The following ZFAND6 variants were observed in gnomAD, a reference collection of about 807,000 sequenced individuals.
The protein encoded by ZFAND6 is zinc finger AN1-type containing 6.
ZFAND6 carries 12 observed loss-of-function variants against 24.5 expected under a neutral mutation model. The observed-to-expected ratio is 0.49, with a 90% confidence interval of 0.31 to 0.79. The LOEUF (loss-of-function observed/expected upper bound fraction) is 0.79. ZFAND6 is among the 30% of genes least tolerant of loss of function. The probability of loss-of-function intolerance (pLI) is 0.04; values close to 1 mark genes in which losing one functional copy is unlikely to be tolerated. For missense variants in ZFAND6, 207 were observed against 245.9 expected, an observed-to-expected ratio of 0.84 and a Z score of 1.06; for synonymous variants, 92 against 81.5, an observed-to-expected ratio of 1.13 and a Z score of -0.69.
intron 2 of ZFAND6, 110 bp from the exon 3 acceptor site, chr15:80,120,218 A>G (rs1404036051): frequency 6.2e-5 from 54 of 865,216 alleles, no homozygotes; most frequent in Non-Finnish European, 1.6e-6. Context: ...GTTATGTAGA[A>G]TAGTTTGATA....
intron 1 of ZFAND6, among the ~76,000 whole-genome samples, chr15:80,093,448 C>T (rs1390175891): frequency 2.0e-5 from 3 of 151,864 alleles, no homozygotes; most frequent in Admixed American, 1.3e-4. Context: ...TGATTCCTGG[C>T]TGGGCGCGGT....
In ZFAND6 at chr15:80,137,799, GCAATTT is replaced by G; in HGVS notation, c.*173_*178del. ...ATGACTCTGAACATTTATTTCCATT[GCAATTT>G]CTGTGGCTGAGGAGACTTAAACTTT... On this transcript the variant is annotated 3_prime_UTR_variant, in exon 7 of 7. Transcript: ENST00000261749. 1 of 618,424 alleles carries G rather than the reference GCAATTT, an allele frequency of 1.6e-6. No individual in the cohort carries two copies. The highest frequency in any genetic ancestry group is 2.5e-6 in the Non-Finnish European group (1 of 401,310). 38.3% of individuals were successfully genotyped at this position (618,424 alleles called of 1,614,324 possible). A position where few individuals can be genotyped will look rare whatever the true frequency, so the allele number is the denominator to read the frequency against.
rs144805077 is a variant in ZFAND6 at position 80,081,048 on chromosome 15, G to A, written c.-180-17368G>A. ...TACACAAACTTTATCAGTTGATAAG[G>A]GTGGACTACTGTAAGGTTATCTTTT... On this transcript the variant is annotated intron_variant, in intron 1 of 6. Coordinates refer to ENST00000261749, the MANE Select transcript of ZFAND6 (RefSeq NM_019006.4). 4.7e-3 allele frequency among the ~76,000 whole-genome samples: 720 copies of A among 152,274 alleles called. 6 individuals are homozygous for A. The highest frequency in any genetic ancestry group is 0.016 in the African/African-American group (667 of 41,554).
At chr15:80,110,087 C>T (rs1486706129) in intron 2 of ZFAND6, among the ~76,000 whole-genome samples, 1 of 152,160 alleles carries the variant, frequency 6.6e-6, no homozygotes, top group Non-Finnish European at 1.5e-5. Flanking sequence ...CTCAGCTTCT[C>T]CAGAGTGAGT....
chr15:80,119,317 A>G (rs1340495347), intron 2 of ZFAND6, among the ~76,000 whole-genome samples: 1 of 152,166 alleles, frequency 6.6e-6, no homozygotes, highest in Non-Finnish European at 1.5e-5. Context: ...ATTTCCACCA[A>G]TTATGCAAGT....
At chr15:80,120,008 A>G (rs2040077237) in intron 2 of ZFAND6, among the ~76,000 whole-genome samples, 1 of 152,232 alleles carries the variant, frequency 6.6e-6, no homozygotes, top group African/African-American at 2.4e-5. Flanking sequence ...GAGGGTCCAA[A>G]CTGAGCTAGA....
intron 1 of ZFAND6, among the ~76,000 whole-genome samples, chr15:80,089,259 G>GGT (rs2038192479): frequency 1.6e-5 from 1 of 61,096 alleles, no homozygotes; most frequent in Non-Finnish European, 2.8e-5. Context: ...GAGTGTGTGT[G>GGT]TTTTTTTTTT....
chr15:80,112,714 C>T, intron 2 of ZFAND6: 1 of 451,306 alleles, frequency 2.2e-6, no homozygotes, highest in East Asian at 7.0e-5. Context: ...TTTATCATCT[C>T]TGCAAAAAGG....
chr15:80,063,160 G>A (rs947536879), intron 1 of ZFAND6, among the ~76,000 whole-genome samples: 23 of 152,050 alleles, frequency 1.5e-4, no homozygotes, highest in African/African-American at 5.3e-4. Context: ...GAAATACAAC[G>A]TTAGTCACAA....
chr15:80,128,917 A>T (rs909580745), intron 5 of ZFAND6, among the ~76,000 whole-genome samples: 1 of 152,220 alleles, frequency 6.6e-6, no homozygotes, highest in Admixed American at 6.5e-5. Flanking sequence ...GATCCCATTC[A>T]AATTTGTGTC....
chr15:80,102,162 T>A (rs556346198), intron 2 of ZFAND6, among the ~76,000 whole-genome samples: 6,989 of 152,084 alleles, frequency 0.046, 356 homozygotes, highest in Admixed American at 0.17. Flanking sequence ...TTCATTTTTA[T>A]TTTTGAGATG....
intron 1 of ZFAND6, among the ~76,000 whole-genome samples, chr15:80,078,680 G>A (rs1254643849): frequency 6.6e-6 from 1 of 152,188 alleles, no homozygotes; most frequent in African/African-American, 2.4e-5. Context: ...AACACCAACA[G>A]TGTATAAGCA....
chr15:80,107,695 G>A lies in ZFAND6; in HGVS notation c.-18+9117G>A, dbSNP rs150144963. 1.2e-3 allele frequency among the ~76,000 whole-genome samples: 182 copies of A among 152,164 alleles called. No homozygotes were observed. The East Asian group carries it at 0.032, about 27-fold the overall frequency. On this transcript the variant is annotated intron_variant, in intron 2 of 6. Coordinates refer to ENST00000261749, the MANE Select transcript of ZFAND6 (RefSeq NM_019006.4). ...CAAAAAGTCATGATGATAGGCACCT[G>A]TAAATCCCAGCTACTCAGGAGGCTG...
At chr15:80,116,855 C>T (rs1457526551) in intron 2 of ZFAND6, among the ~76,000 whole-genome samples, 1 of 152,080 alleles carries the variant, frequency 6.6e-6, no homozygotes. Flanking sequence ...TCCACTGTGG[C>T]CCAGGGAAGC....
At chr15:80,066,725 C>T (rs529494464) in intron 1 of ZFAND6, among the ~76,000 whole-genome samples, 3 of 151,968 alleles carry the variant, frequency 2.0e-5, no homozygotes, top group African/African-American at 7.2e-5. Context: ...GGCGAAACCT[C>T]ATCTCTGTTG....
intron 1 of ZFAND6, among the ~76,000 whole-genome samples, chr15:80,065,000 CCCT>C (rs1316230894): frequency 2.3e-5 from 2 of 85,716 alleles, no homozygotes; most frequent in African/African-American, 7.5e-5. Flanking sequence ...CTCTCTCTCC[CCCT>C]TTTTTTTTTT....
chr15:80,125,891 T>C (rs572016328), intron 5 of ZFAND6, among the ~76,000 whole-genome samples: 2 of 152,332 alleles, frequency 1.3e-5, no homozygotes, highest in Admixed American at 1.3e-4. Flanking sequence ...AGAATGTCCC[T>C]CTTACAGGGT....
chr15:80,115,387 T>C (rs760581435), intron 2 of ZFAND6, among the ~76,000 whole-genome samples: 13 of 152,262 alleles, frequency 8.5e-5, no homozygotes, highest in Middle Eastern at 3.4e-3. Flanking sequence ...GTGATCTTAC[T>C]CTCTGTCTCT....
chr15:80,121,613 A>C, intron 3 of ZFAND6, 99 bp from the exon 4 acceptor site: 1 of 944,226 alleles, frequency 1.1e-6, no homozygotes, highest in South Asian at 1.8e-5. Context: ...GAAAACCTCT[A>C]TACTGTGTTC....
Sources: allele counts gnomAD v4.1 joint callset (sites outside exome capture counted in the v4.1 genomes callset), GRCh38; gene constraint gnomAD v4.1.1; transcripts MANE v1.5; gene names NCBI Gene and HGNC (gene_info 2026-07-23, HGNC 2026-07-21).